The following GREB1L variants were observed in gnomAD, a reference collection of about 807,000 sequenced individuals.
GREB1L encodes the protein GREB1 like retinoic acid receptor coactivator.
In GREB1L, 17 loss-of-function variants were observed where a neutral mutation model predicts 200.8. The observed-to-expected ratio is 0.08, with a 90% CI of 0.06 to 0.13. GREB1L has a LOEUF of 0.13. GREB1L is among the 10% of genes least tolerant of loss of function. The probability of loss-of-function intolerance (pLI) is 1.00; values close to 1 mark genes in which losing one functional copy is unlikely to be tolerated. For missense variants in GREB1L, 1,657 were observed against 2,367.7 expected (o/e 0.70, Z 6.23); for synonymous variants, 789 against 893.0 (o/e 0.88, Z 2.08).
At chr18:21,445,539 TA>T (rs2034169726) in intron 11 of GREB1L, among the ~76,000 whole-genome samples, 2 of 152,148 alleles carry the variant, frequency 1.3e-5, no homozygotes, top group African/African-American at 4.8e-5. Context: ...ATAAAAATAT[TA>T]GTATGCACTC....
At chr18:21,439,696 C>T (rs2033786483) in intron 8 of GREB1L, 59 bp downstream of exon 8, 1 of 1,064,414 alleles carries the variant, frequency 9.4e-7, no homozygotes. Context: ...ACAAGTGCTC[C>T]AGATTTTGTA....
chr18:21,315,346 C>T (rs1389579814), intron 1 of GREB1L, among the ~76,000 whole-genome samples: 1 of 152,172 alleles, frequency 6.6e-6, no homozygotes, highest in Non-Finnish European at 1.5e-5. Context: ...CCGCCTCAGC[C>T]TCTCAAAGTG....
intron 1 of GREB1L, among the ~76,000 whole-genome samples, chr18:21,298,239 C>T (rs1237337461): frequency 6.6e-6 from 1 of 152,196 alleles, no homozygotes; most frequent in Non-Finnish European, 1.5e-5. Context: ...TGTGCGTCCA[C>T]ATTCACTCTC....
chr18:21,474,521 C>T (rs1477075755), intron 16 of GREB1L, among the ~76,000 whole-genome samples: 1 of 152,146 alleles, frequency 6.6e-6, no homozygotes, highest in Non-Finnish European at 1.5e-5. Flanking sequence ...CAGAGGCTCC[C>T]AAACCTCAGT....
At chr18:21,297,057 G>T (rs1598638529) in intron 1 of GREB1L, among the ~76,000 whole-genome samples, 1 of 152,128 alleles carries the variant, frequency 6.6e-6, no homozygotes, top group East Asian at 1.9e-4. Context: ...TCTTTACGTA[G>T]AATGTGGTTC....
rs1254733609 is a variant in GREB1L, at chr18:21,403,937, A to C, written c.775A>C (p.Thr259Pro). 1 of 1,551,168 alleles carries C rather than the reference A, an allele frequency of 6.4e-7. No homozygotes were observed. Among genetic ancestry groups the C allele is most frequent in the Non-Finnish European group, 8.7e-7 (1 of 1,146,134 alleles). The change falls in exon 7 of 33, where the codon ACT becomes CCT. Residue 259 changes from threonine to proline, a missense_variant. Coordinates refer to ENST00000424526, the MANE Select transcript of GREB1L (RefSeq NM_001142966.3). ...SIKPSSSVSS[T>P]VTPENGTTNG... is the part of the protein sequence containing the mutation. Reference sequence around the variant, plus strand: ...TAAGCCAAGCTCTTCAGTGTCGTCAACTGTGACCCCAGAAAATGGGACAAC... The same window carrying C: ...TAAGCCAAGCTCTTCAGTGTCGTCACCTGTGACCCCAGAAAATGGGACAAC...
At chr18:21,468,949 G>T (rs2035374787) in intron 15 of GREB1L, 1 of 344,676 alleles carries the variant, frequency 2.9e-6, no homozygotes, top group Admixed American at 3.7e-5. Flanking sequence ...TCATGTCAGG[G>T]AGTACATGAG....
intron 7 of GREB1L, among the ~76,000 whole-genome samples, chr18:21,435,652 G>T (rs1338843990): frequency 6.6e-6 from 1 of 152,084 alleles, no homozygotes; most frequent in Non-Finnish European, 1.5e-5. Flanking sequence ...AGGGAAGGGG[G>T]AAAAGCAATA....
intron 1 of GREB1L, among the ~76,000 whole-genome samples, chr18:21,259,143 C>T (rs2037849962): frequency 6.6e-6 from 1 of 152,098 alleles, no homozygotes; most frequent in African/African-American, 2.4e-5. Context: ...CAAACAGACA[C>T]CATAATTCTA....
At position 21,431,813 on chromosome 18, in the gene GREB1L, TTTATAA is replaced by T. The variant is rs375259046; in HGVS notation, c.833-7703_833-7698del. ...GGCTCTGTTGTTAGGTGTGTATATG[TTTATAA>T]TTATGTCTTACTGGTGGATTGACCC... On this transcript the variant is annotated intron_variant, in intron 7 of 32. Coordinates refer to ENST00000424526, the MANE Select transcript of GREB1L (RefSeq NM_001142966.3). Among the ~76,000 whole-genome samples the T allele has an allele frequency of 1.6e-4, 25 of 152,242 alleles. No individual in the cohort carries two copies. The Middle Eastern group carries it at 0.024, about 145-fold the overall frequency.
In GREB1L at chr18:21,313,104, T is replaced by G. The variant is rs577384970; in HGVS notation, c.-119-52923T>G. On this transcript the variant is annotated intron_variant, in intron 1 of 32. Coordinates refer to ENST00000424526, the MANE Select transcript of GREB1L (RefSeq NM_001142966.3). Reference sequence around the variant, plus strand: ...TCTCCCGTTCTGTAGGTTGTCTGTTTACTCTGTTAGTTTCTTTTGCTGTGC... The same window carrying G: ...TCTCCCGTTCTGTAGGTTGTCTGTTGACTCTGTTAGTTTCTTTTGCTGTGC... Among the ~76,000 whole-genome samples the G allele has an allele frequency of 2.2e-4, 34 of 152,254 alleles. 1 individual carries two copies. In the South Asian group the frequency reaches 7.1e-3, roughly 32 times the overall value.
chr18:21,439,974 A>G (rs2033803955), intron 8 of GREB1L, among the ~76,000 whole-genome samples: 1 of 152,228 alleles, frequency 6.6e-6, no homozygotes. Flanking sequence ...AAATGGGTAT[A>G]ACAACAATAT....
At chr18:21,451,276 GT>G in intron 13 of GREB1L, 125 bp downstream of exon 13, 1 of 1,080,162 alleles carries the variant, frequency 9.3e-7, no homozygotes, top group Non-Finnish European at 1.3e-6. Flanking sequence ...ATTTGAAATG[GT>G]TTATCCTAAG....
intron 21 of GREB1L, among the ~76,000 whole-genome samples, chr18:21,499,129 T>C (rs1167705733): frequency 6.6e-6 from 1 of 152,140 alleles, no homozygotes; most frequent in African/African-American, 2.4e-5. Flanking sequence ...TGGAAGGGGT[T>C]GCAGTCTGGG....
chr18:21,483,939 G>A (rs1236426825), intron 17 of GREB1L, among the ~76,000 whole-genome samples: 1 of 145,358 alleles, frequency 6.9e-6, no homozygotes, highest in Non-Finnish European at 1.5e-5. Flanking sequence ...TCATGCCACT[G>A]CACTCCAGCC....
chr18:21,488,908 C>G (rs1301514446), intron 18 of GREB1L, among the ~76,000 whole-genome samples: 1 of 152,176 alleles, frequency 6.6e-6, no homozygotes, highest in Non-Finnish European at 1.5e-5. Flanking sequence ...CCACCCACCT[C>G]GTCCTCCCAA....
chr18:21,453,151 CCT>C (rs1415459273), intron 14 of GREB1L, among the ~76,000 whole-genome samples: 1 of 152,064 alleles, frequency 6.6e-6, no homozygotes, highest in African/African-American at 2.4e-5. Context: ...TTCTTGGTTC[CCT>C]GTTTAAAAAC....
chr18:21,304,962 C>CCCCT (rs2038677078), intron 1 of GREB1L, among the ~76,000 whole-genome samples: 1 of 151,872 alleles, frequency 6.6e-6, no homozygotes, highest in African/African-American at 2.4e-5. Context: ...AAATTATATA[C>CCCCT]CCCTCCCTCC....
At chr18:21,339,574 G>A (rs1453402136) in intron 1 of GREB1L, among the ~76,000 whole-genome samples, 1 of 152,168 alleles carries the variant, frequency 6.6e-6, no homozygotes, top group African/African-American at 2.4e-5. Flanking sequence ...TAACTTTCTT[G>A]AACAAGTCAC....
Sources: gnomAD v4.1 joint callset for allele counts (sites outside exome capture counted in the v4.1 genomes callset) on GRCh38, gnomAD v4.1.1 for gene constraint, MANE v1.5 for transcripts, NCBI Gene and HGNC (gene_info 2026-07-23, HGNC 2026-07-21) for gene names.